PRKN: variants seen among roughly 807,000 people sequenced by gnomAD.
PRKN encodes parkin RBR E3 ubiquitin protein ligase, also known as E3 ubiquitin-protein ligase parkin.
PRKN carries 56 observed loss-of-function variants against 59.5 expected under a neutral mutation model. The observed-to-expected ratio is 0.94, with a 90% CI of 0.76 to 1.18. The LOEUF (loss-of-function observed/expected upper bound fraction) is 1.18, where lower values mean the gene tolerates loss of function less well. Ranked by LOEUF, PRKN falls within the 50% of genes most tolerant of loss-of-function variation. PRKN has a pLI of 0.00. For missense variants in PRKN, 657 were observed against 596.4 expected (o/e 1.10, Z -1.06); for synonymous variants, 250 against 222.1 (o/e 1.13, Z -1.12).
intron 4 of PRKN, among the ~76,000 whole-genome samples, chr6:162,168,807 C>T (rs74896677): frequency 0.023 from 3,514 of 151,932 alleles, 56 homozygotes; most frequent in Non-Finnish European, 0.036. Flanking sequence ...GAATCTATGA[C>T]GCAGGGAAAA....
At chr6:161,495,916 C>T (rs188840020) in intron 9 of PRKN, among the ~76,000 whole-genome samples, 2 of 152,276 alleles carry the variant, frequency 1.3e-5, no homozygotes, top group Non-Finnish European at 2.9e-5. Flanking sequence ...GCCCTCACTC[C>T]ATACTACCAT....
rs578028931 is a variant in PRKN at position 162,127,329 on chromosome 6, C to T, written c.535-73155G>A. 2.8e-4 allele frequency among the ~76,000 whole-genome samples: 43 copies of T among 152,316 alleles called. 1 individual carries two copies. Among genetic ancestry groups the T allele is most frequent in the Middle Eastern group, 3.4e-3 (1 of 294 alleles). ...TGCTAGTCTACCAACTCAACTTTTG[C>T]TTTCCAAATATAATGCTTTTCATTG... On this transcript the variant is annotated intron_variant, in intron 4 of 11. Transcript: ENST00000366898.
At chr6:161,706,235 C>T (rs1562621382) in intron 7 of PRKN, among the ~76,000 whole-genome samples, 1 of 152,166 alleles carries the variant, frequency 6.6e-6, no homozygotes, top group Non-Finnish European at 1.5e-5. Flanking sequence ...TGAAGAAGCC[C>T]CACAGACCAA....
chr6:162,262,395 G>T (rs1779926655), intron 3 of PRKN, 130 bp downstream of exon 3: 5 of 1,037,338 alleles, frequency 4.8e-6, no homozygotes, highest in Non-Finnish European at 7.5e-6. Flanking sequence ...ATGTCTCCTT[G>T]TAGTGAATTA....
chr6:162,440,157 T>C (rs1789984671), intron 2 of PRKN, among the ~76,000 whole-genome samples: 1 of 152,188 alleles, frequency 6.6e-6, no homozygotes, highest in Non-Finnish European at 1.5e-5. Context: ...GTTCTTAAAG[T>C]CTTGCCAATA....
intron 1 of PRKN, among the ~76,000 whole-genome samples, chr6:162,509,730 T>TA (rs766214496): frequency 6.6e-6 from 1 of 152,214 alleles, no homozygotes; most frequent in Non-Finnish European, 1.5e-5. Flanking sequence ...CACTGCTGTA[T>TA]AAAAAAGTCA....
At chr6:162,057,658 C>A (rs1403005390) in intron 4 of PRKN, among the ~76,000 whole-genome samples, 1 of 152,174 alleles carries the variant, frequency 6.6e-6, no homozygotes, top group Non-Finnish European at 1.5e-5. Context: ...AACGTGAGGA[C>A]CTTTCTTACT....
intron 2 of PRKN, among the ~76,000 whole-genome samples, chr6:162,336,530 G>C (rs931323993): frequency 2.0e-5 from 3 of 152,150 alleles, no homozygotes; most frequent in African/African-American, 7.2e-5. Flanking sequence ...AGGAATAAAA[G>C]TATGTGTCAA....
intron 7 of PRKN, among the ~76,000 whole-genome samples, chr6:161,763,683 TC>T (rs1367923067): frequency 6.6e-6 from 1 of 151,728 alleles, no homozygotes; most frequent in Non-Finnish European, 1.5e-5. Context: ...CCAGCCCCTT[TC>T]CCCCCCACAA....
At chr6:161,822,903 T>C (rs889828262) in intron 6 of PRKN, among the ~76,000 whole-genome samples, 6 of 152,324 alleles carry the variant, frequency 3.9e-5, no homozygotes, top group Non-Finnish European at 8.8e-5. Flanking sequence ...GCTTGTTTAC[T>C]TATATCCTTG....
rs1175202893 is a variant in PRKN at position 162,556,342 on chromosome 6, G to GGGGTGTGTGTGTGTGTGTGTGTGTGT, written c.8-112870_8-112869insACACACACACACACACACACACACCC. Among the ~76,000 whole-genome samples the GGGGTGTGTGTGTGTGTGTGTGTGTGT allele has an allele frequency of 4.0e-4, 23 of 57,298 alleles. 2 individuals are homozygous for GGGGTGTGTGTGTGTGTGTGTGTGTGT. Among genetic ancestry groups the GGGGTGTGTGTGTGTGTGTGTGTGTGT allele is most frequent in the South Asian group, 2.0e-3 (2 of 1,010 alleles). The allele number at this position is 57,298 out of a possible 152,430, so 37.6% of individuals were successfully genotyped here. The stretch of plus-strand genomic sequence containing the variant: ...GAAACCAAGCAGTAACTACTCAGCT[G>GGGGTGTGTGTGTGTGTGTGTGTGTGT]GTGTGTGTGTGTGTGTGTGTGTGTG... On this transcript the variant is annotated intron_variant, in intron 1 of 11. Coordinates refer to ENST00000366898, the MANE Select transcript of PRKN (RefSeq NM_004562.3).
At chr6:161,426,343 T>G (rs1788355803) in intron 9 of PRKN, among the ~76,000 whole-genome samples, 1 of 152,036 alleles carries the variant, frequency 6.6e-6, no homozygotes, top group Non-Finnish European at 1.5e-5. Context: ...CAAAGGAGAT[T>G]AACATTTGAG....
chr6:161,733,790 A>ATATATATATATATATATATATATATACT (rs1439837882), intron 7 of PRKN, among the ~76,000 whole-genome samples: 3 of 63,790 alleles, frequency 4.7e-5, no homozygotes, highest in Non-Finnish European at 6.0e-5. Flanking sequence ...AAAAATATAT[A>ATATATATATATATATATATATATATACT]TATATATGTA....
intron 2 of PRKN, among the ~76,000 whole-genome samples, chr6:162,352,806 C>A (rs1489783449): frequency 3.3e-5 from 5 of 152,120 alleles, no homozygotes; most frequent in African/African-American, 9.7e-5. Context: ...AAGCTAGACA[C>A]CTCATTTTCT....
rs140240664 is a variant in PRKN, at chr6:161,361,207, C to G, written c.1168-1002G>C. Among the ~76,000 whole-genome samples, 271 of 152,280 alleles carry G rather than the reference C, an allele frequency of 1.8e-3. 1 individual carries two copies. Among genetic ancestry groups the G allele is most frequent in the African/African-American group, 5.8e-3 (243 of 41,556 alleles). ...AATCCAAACTTTGTCATTTCACTTTCGAATTCCAAGCCTTTTTGAAATGTT... is the reference window on the plus strand; with the variant it reads ...AATCCAAACTTTGTCATTTCACTTTGGAATTCCAAGCCTTTTTGAAATGTT... On this transcript the variant is annotated intron_variant, in intron 10 of 11. Transcript: ENST00000366898. The surrounding 1 kb of genome is among the most constrained non-coding windows in gnomAD (Gnocchi z 5.2).
chr6:161,533,484 C>T lies in PRKN; in HGVS notation c.1083+15370G>A, dbSNP rs1480277308. 6.6e-6 allele frequency among the ~76,000 whole-genome samples: 1 copy of T among 152,146 alleles called. No homozygotes were observed. Among genetic ancestry groups the T allele is most frequent in the African/African-American group, 2.4e-5 (1 of 41,424 alleles). On this transcript the variant is annotated intron_variant, in intron 9 of 11. Coordinates refer to ENST00000366898, the MANE Select transcript of PRKN (RefSeq NM_004562.3). This position sits in a 1 kb window ranked among gnomAD's most constrained non-coding sequence, Gnocchi z 4.1. ...CTAGCCATGTTCAAAATGGCGGCTC[C>T]ATCTTCTCTTTTTGCCAGCCACGTG... is the stretch of plus-strand genomic sequence containing the variant.
chr6:162,203,965 T>C (rs1329091858), intron 3 of PRKN, among the ~76,000 whole-genome samples: 5 of 152,182 alleles, frequency 3.3e-5, no homozygotes, highest in Non-Finnish European at 5.9e-5. Flanking sequence ...CTTGCAGATA[T>C]TTCGCCACGT....
At chr6:161,921,572 T>C (rs1473350273) in intron 6 of PRKN, among the ~76,000 whole-genome samples, 2 of 152,196 alleles carry the variant, frequency 1.3e-5, no homozygotes, top group Non-Finnish European at 2.9e-5. Context: ...GCTACTACAT[T>C]GCAACAGCTA....
chr6:162,076,227 C>T (rs1582996700), intron 4 of PRKN, among the ~76,000 whole-genome samples: 1 of 152,054 alleles, frequency 6.6e-6, no homozygotes, highest in East Asian at 1.9e-4. Flanking sequence ...CATTGGCCTC[C>T]CAAAGTGCTG....
Sources: gnomAD v4.1 joint callset for allele counts (sites outside exome capture counted in the v4.1 genomes callset) on GRCh38, gnomAD v4.1.1 for gene constraint, Gnocchi (gnomAD v3.1) non-coding constraint, MANE v1.5 for transcripts, NCBI Gene and HGNC (gene_info 2026-07-23, HGNC 2026-07-21) for gene names.